Variants in SOX6 observed in about 807,000 individuals in gnomAD.
The protein encoded by SOX6 is SRY-box transcription factor 6.
Under a neutral mutation model 97.8 loss-of-function variants are expected in SOX6, and 11 were observed. The ratio of observed to expected loss-of-function variants is 0.11; its 90% confidence interval spans 0.07 to 0.19. The LOEUF is 0.19. SOX6 is among the 10% of genes least tolerant of loss of function. The probability of loss-of-function intolerance (pLI) is 1.00; values close to 1 mark genes in which losing one functional copy is unlikely to be tolerated. For missense variants in SOX6, 810 were observed against 1,039.5 expected, an observed-to-expected ratio of 0.78 and a Z score of 3.04; for synonymous variants, 360 against 371.4, an observed-to-expected ratio of 0.97 and a Z score of 0.35.
chr11:15,975,764 T>C (rs866693475), intron 15 of SOX6, among the ~76,000 whole-genome samples: 2 of 152,136 alleles, frequency 1.3e-5, no homozygotes, highest in African/African-American at 4.8e-5. Context: ...GAGTTGAACC[T>C]TCCCCGTGTC....
intron 3 of SOX6, among the ~76,000 whole-genome samples, chr11:16,257,008 T>C (rs1229069892): frequency 6.6e-6 from 1 of 151,946 alleles, no homozygotes; most frequent in South Asian, 2.1e-4. Context: ...TAATAAAATA[T>C]GTAAAAATCT....
At chr11:16,216,556 C>G (rs1852378199) in intron 4 of SOX6, among the ~76,000 whole-genome samples, 1 of 151,720 alleles carries the variant, frequency 6.6e-6, no homozygotes, top group South Asian at 2.1e-4. Flanking sequence ...AAATATAATA[C>G]AGAGAGTCTC....
chr11:16,264,637 T>C (rs10741694), intron 3 of SOX6: 95,348 of 151,392 alleles, frequency 0.63, 30,172 homozygotes, highest in East Asian at 0.75. Flanking sequence ...TTTTGACAGA[T>C]GCTGTGAAAT....
intron 3 of SOX6, among the ~76,000 whole-genome samples, chr11:16,287,345 T>C (rs543691462): frequency 4.7e-5 from 7 of 148,386 alleles, no homozygotes; most frequent in African/African-American, 1.5e-4. Context: ...TCCTATACTA[T>C]TGCTGTATTT....
intron 1 of SOX6, among the ~76,000 whole-genome samples, chr11:16,466,870 G>A (rs1303543290): frequency 7.3e-6 from 1 of 137,328 alleles, no homozygotes; most frequent in East Asian, 2.3e-4. Context: ...GGCGGAGCTT[G>A]CAGTGAGCCG....
chr11:16,575,021 C>A (rs1847969565), intron 4 of SOX6, among the ~76,000 whole-genome samples: 1 of 150,192 alleles, frequency 6.7e-6, no homozygotes, highest in South Asian at 2.1e-4. Context: ...TCCTGGGTGA[C>A]AGAGTGAGAC....
intron 2 of SOX6, among the ~76,000 whole-genome samples, chr11:16,725,273 C>T (rs1042672233): frequency 1.3e-5 from 2 of 152,318 alleles, no homozygotes; most frequent in Admixed American, 6.5e-5. Context: ...CCCATAATCC[C>T]AACACTTTGG....
chr11:16,676,478 G>A (rs1205870057), intron 3 of SOX6, among the ~76,000 whole-genome samples: 1 of 151,984 alleles, frequency 6.6e-6, no homozygotes, highest in East Asian at 1.9e-4. Context: ...CTTTATACTT[G>A]TTGAATATCT....
chr11:16,732,999 G>A (rs1287686508), intron 2 of SOX6, among the ~76,000 whole-genome samples: 1 of 152,212 alleles, frequency 6.6e-6, no homozygotes, highest in Non-Finnish European at 1.5e-5. Context: ...ACCATCACTA[G>A]TCATTAGAGA....
intron 3 of SOX6, among the ~76,000 whole-genome samples, chr11:16,665,193 T>G (rs1181781579): frequency 1.3e-5 from 2 of 152,026 alleles, no homozygotes; most frequent in Non-Finnish European, 2.9e-5. Flanking sequence ...AAGGGGACTT[T>G]GTCTTGCAGC....
At chr11:16,009,404 C>G (rs941490479) in intron 13 of SOX6, among the ~76,000 whole-genome samples, 1 of 151,970 alleles carries the variant, frequency 6.6e-6, no homozygotes, top group Admixed American at 6.6e-5. Flanking sequence ...GATGGAACAA[C>G]CAGAATTTAA....
chr11:16,707,181 A>C (rs891783809), intron 3 of SOX6, among the ~76,000 whole-genome samples: 1 of 152,210 alleles, frequency 6.6e-6, no homozygotes, highest in African/African-American at 2.4e-5. Context: ...TTAAGCAAAG[A>C]AGCAGTGTTT....
intron 4 of SOX6, among the ~76,000 whole-genome samples, chr11:16,597,564 G>T (rs1442794266): frequency 6.6e-6 from 1 of 151,788 alleles, no homozygotes; most frequent in Non-Finnish European, 1.5e-5. Flanking sequence ...ACACATATAG[G>T]TCTGTCATTC....
intron 3 of SOX6, among the ~76,000 whole-genome samples, chr11:16,247,018 T>C (rs575975417): frequency 1.3e-5 from 2 of 152,294 alleles, no homozygotes; most frequent in African/African-American, 2.4e-5. Context: ...TCATTATATA[T>C]ATTTTTGTAC....
intron 9 of SOX6, among the ~76,000 whole-genome samples, chr11:16,057,966 C>T (rs758526106): frequency 1.3e-5 from 2 of 151,918 alleles, no homozygotes; most frequent in Non-Finnish European, 2.9e-5. Context: ...CTATTATGTC[C>T]TTCTGTTGAC....
intron 1 of SOX6, among the ~76,000 whole-genome samples, chr11:16,361,770 C>A (rs1014973811): frequency 1.3e-5 from 2 of 152,118 alleles, no homozygotes; most frequent in African/African-American, 4.8e-5. Context: ...AAACTGAATA[C>A]CAATTTCCAA....
At chr11:16,275,301 A>G (rs973135928) in intron 3 of SOX6, among the ~76,000 whole-genome samples, 1 of 150,936 alleles carries the variant, frequency 6.6e-6, no homozygotes, top group Non-Finnish European at 1.5e-5. Flanking sequence ...AAAAAAAAAA[A>G]AAAATAGCCG....
chr11:16,294,119 T>C (rs1461280928), intron 3 of SOX6, among the ~76,000 whole-genome samples: 2 of 152,074 alleles, frequency 1.3e-5, no homozygotes, highest in African/African-American at 4.8e-5. Flanking sequence ...GCTTATTTTC[T>C]TTCTTAAATG....
intron 3 of SOX6, among the ~76,000 whole-genome samples, chr11:16,283,087 T>TTATATATATATATATATATA (rs1565068478): frequency 1.7e-4 from 3 of 17,214 alleles, no homozygotes; most frequent in Non-Finnish European, 2.8e-4. Context: ...TATATATAAT[T>TTATATATATATATATATATA]TGTATATATA....
Sources: gnomAD v4.1 joint callset for allele counts (sites outside exome capture counted in the v4.1 genomes callset) on GRCh38, gnomAD v4.1.1 for gene constraint, MANE v1.5 for transcripts, NCBI Gene and HGNC (gene_info 2026-07-23, HGNC 2026-07-21) for gene names.